The following SSBP2 variants were observed in gnomAD, a reference collection of about 807,000 sequenced individuals.
SSBP2 encodes single-stranded DNA-binding protein 2.
Under a neutral mutation model 61.8 loss-of-function variants are expected in SSBP2, and 17 were observed. That is an observed-to-expected ratio of 0.28 (90% confidence interval 0.19 to 0.41). The LOEUF (loss-of-function observed/expected upper bound fraction) is 0.41. SSBP2 is among the 10% of genes least tolerant of loss of function. The pLI is 1.00. For synonymous variants in SSBP2, 139 were observed against 141.3 expected (o/e 0.98, Z 0.12); for missense variants, 310 against 458.7 (o/e 0.68, Z 2.96).
intron 1 of SSBP2, among the ~76,000 whole-genome samples, chr5:81,689,561 A>G (rs1007038728): frequency 1.3e-5 from 2 of 151,886 alleles, no homozygotes; most frequent in African/African-American, 4.8e-5. Flanking sequence ...GAGAGTACCT[A>G]AAGTGCTAAA....
At chr5:81,597,027 G>T (rs1743822154) in intron 4 of SSBP2, among the ~76,000 whole-genome samples, 2 of 152,056 alleles carry the variant, frequency 1.3e-5, no homozygotes, top group African/African-American at 4.8e-5. Context: ...CACAGCAAAA[G>T]AAACTACCAT....
upstream of SSBP2, among the ~76,000 whole-genome samples, chr5:81,751,459 T>C (rs1275567177): frequency 6.6e-6 from 1 of 151,622 alleles, no homozygotes; most frequent in Non-Finnish European, 1.5e-5. Context: ...CCGCCCGCGC[T>C]CAGCTCCTCA....
At chr5:81,587,106 A>G (rs1437443232) in intron 4 of SSBP2, among the ~76,000 whole-genome samples, 1 of 152,112 alleles carries the variant, frequency 6.6e-6, no homozygotes, top group East Asian at 1.9e-4. Flanking sequence ...TTTGCTTAAT[A>G]AAGTTTCACT....
At chr5:81,615,587 A>T in intron 3 of SSBP2, 30 bp from the exon 4 acceptor site, 3 of 1,401,146 alleles carry the variant, frequency 2.1e-6, no homozygotes, top group Non-Finnish European at 3.0e-6. Context: ...AACATTAAGA[A>T]AATCATACAA....
At chr5:81,576,891 T>G (rs1039530408) in intron 4 of SSBP2, among the ~76,000 whole-genome samples, 1 of 152,024 alleles carries the variant, frequency 6.6e-6, no homozygotes, top group Non-Finnish European at 1.5e-5. Context: ...AAAAACTATT[T>G]GAAAAAAGTA....
intron 4 of SSBP2, among the ~76,000 whole-genome samples, chr5:81,524,868 C>T (rs1769797792): frequency 6.6e-6 from 1 of 152,028 alleles, no homozygotes; most frequent in African/African-American, 2.4e-5. Context: ...CTAACTCTGC[C>T]TTCCTCTCAT....
intron 15 of SSBP2, among the ~76,000 whole-genome samples, chr5:81,433,991 A>G (rs142101206): frequency 7.4e-4 from 112 of 152,342 alleles, no homozygotes; most frequent in Middle Eastern, 3.4e-3. Flanking sequence ...AGCCCTTAAC[A>G]TATGTTCACA....
At chr5:81,563,243 C>G (rs1184049677) in intron 4 of SSBP2, among the ~76,000 whole-genome samples, 1 of 152,014 alleles carries the variant, frequency 6.6e-6, no homozygotes, top group Non-Finnish European at 1.5e-5. Flanking sequence ...AAATACAATC[C>G]AAAGGAGAAA....
At chr5:81,462,787 T>A (rs1218962071) in intron 9 of SSBP2, among the ~76,000 whole-genome samples, 2 of 152,144 alleles carry the variant, frequency 1.3e-5, no homozygotes, top group African/African-American at 2.4e-5. Flanking sequence ...TAAAAAAACT[T>A]GGGAACATTT....
Position 81,418,805 on chromosome 5 carries a change from T to C in SSBP2, c.*1699A>G, listed in dbSNP as rs529261365. On this transcript the variant is annotated 3_prime_UTR_variant, in exon 17 of 17. Transcript: ENST00000320672. ...AATCTTATAGGACCACTGCTGTATATGCAGTCTGTGGTTGATTGGAATGTC... is the reference window on the plus strand; with the variant it reads ...AATCTTATAGGACCACTGCTGTATACGCAGTCTGTGGTTGATTGGAATGTC... 13 of 152,346 alleles carry C rather than the reference T, an allele frequency of 8.5e-5. No homozygotes were observed. Among genetic ancestry groups the C allele is most frequent in the Admixed American group, 2.0e-4 (3 of 15,306 alleles). 9.4% of individuals were successfully genotyped at this position (152,346 alleles called of 1,614,324 possible). A position where few individuals can be genotyped will look rare whatever the true frequency, so the allele number is the denominator to read the frequency against.
At chr5:81,712,050 A>G (rs1393259493) in intron 1 of SSBP2, among the ~76,000 whole-genome samples, 2 of 151,442 alleles carry the variant, frequency 1.3e-5, no homozygotes, top group African/African-American at 4.9e-5. Flanking sequence ...ATCTTCAGAC[A>G]TTTCTTTGGA....
chr5:81,512,245 T>C (rs934112976), intron 5 of SSBP2, among the ~76,000 whole-genome samples: 2 of 152,216 alleles, frequency 1.3e-5, no homozygotes, highest in Non-Finnish European at 2.9e-5. Flanking sequence ...TCCAGACTAC[T>C]TTGATTTGAA....
chr5:81,750,235 A>ACCCGCC (rs1163350202), intron 1 of SSBP2, among the ~76,000 whole-genome samples: 83 of 83,960 alleles, frequency 9.9e-4, no homozygotes, highest in East Asian at 8.1e-3. Context: ...TCCGGCGCCC[A>ACCCGCC]CCCGCCCCCG....
chr5:81,429,141 C>A (rs2153907574), intron 15 of SSBP2, among the ~76,000 whole-genome samples: 2 of 152,224 alleles, frequency 1.3e-5, no homozygotes, highest in South Asian at 4.1e-4. Flanking sequence ...ATGCAGTATA[C>A]AGATAACACT....
Position 81,431,840 on chromosome 5 carries a change from C to T in SSBP2, c.958-3157G>A, listed in dbSNP as rs1035382503. On this transcript the variant is annotated intron_variant, in intron 15 of 16. Transcript: ENST00000320672. ...GACTCAAGCAATCCTCCTCACTTGG[C>T]CTCCCAAAGTGCTAGGATTACACGT... Among the ~76,000 whole-genome samples the T allele has an allele frequency of 2.0e-5, 3 of 152,170 alleles. No individual in the cohort carries two copies. The East Asian group carries it at 5.8e-4, about 29-fold the overall frequency.
chr5:81,729,514 G>C (rs962856190), intron 1 of SSBP2, among the ~76,000 whole-genome samples: 2 of 152,090 alleles, frequency 1.3e-5, no homozygotes, highest in Non-Finnish European at 2.9e-5. Flanking sequence ...GTAAATGAAT[G>C]AATGTCAATT....
intron 1 of SSBP2, among the ~76,000 whole-genome samples, chr5:81,661,922 T>C (rs892402222): frequency 6.6e-6 from 1 of 152,238 alleles, no homozygotes; most frequent in Non-Finnish European, 1.5e-5. Flanking sequence ...CTAAAAGCAA[T>C]GTTGTGAAGC....
intron 1 of SSBP2, among the ~76,000 whole-genome samples, chr5:81,708,528 A>AT (rs929212903): frequency 7.3e-4 from 111 of 152,066 alleles, no homozygotes; most frequent in African/African-American, 2.5e-3. Context: ...CATCTCTCAG[A>AT]TTTTTTTTAA....
rs551164579 is a variant in SSBP2 at position 81,486,671 on chromosome 5, G to A, written c.432+2579C>T. On this transcript the variant is annotated intron_variant, in intron 6 of 16. Transcript: ENST00000320672. ...GGCACCTATATAAGTAGATCTGACT[G>A]TCAATATATACAGGTTTACCCACAG... Among the ~76,000 whole-genome samples, 6 of 152,262 alleles carry A rather than the reference G, an allele frequency of 3.9e-5. No individual in the cohort carries two copies. In the South Asian group the frequency reaches 8.3e-4, roughly 21 times the overall value.
Sources: gnomAD v4.1 joint callset for allele counts (sites outside exome capture counted in the v4.1 genomes callset) on GRCh38, gnomAD v4.1.1 for gene constraint, MANE v1.5 for transcripts, NCBI Gene and HGNC (gene_info 2026-07-23, HGNC 2026-07-21) for gene names.